SGSM1: variants seen among roughly 807,000 people sequenced by gnomAD.
SGSM1 encodes RUN and TBC1 domain containing 2.
Under a neutral mutation model 133.8 loss-of-function variants are expected in SGSM1, and 73 were observed. That is an observed-to-expected ratio of 0.55 (90% CI 0.45 to 0.66). The LOEUF is 0.66. Ranked by LOEUF, SGSM1 falls within the 30% of genes least tolerant of loss-of-function variation. SGSM1 has a pLI of 0.00. For synonymous variants in SGSM1, 563 were observed against 573.0 expected, an observed-to-expected ratio of 0.98 and a Z score of 0.25; for missense variants, 1,213 against 1,448.1, an observed-to-expected ratio of 0.84 and a Z score of 2.64.
At chr22:24,814,808 AG>A (rs1927970356) in intron 2 of SGSM1, among the ~76,000 whole-genome samples, 1 of 152,228 alleles carries the variant, frequency 6.6e-6, no homozygotes, top group South Asian at 2.1e-4. Context: ...TGTGGAATTT[AG>A]TCAGAAGAGA....
At chr22:24,862,852 A>T (rs1030203128) in intron 9 of SGSM1, among the ~76,000 whole-genome samples, 2 of 152,088 alleles carry the variant, frequency 1.3e-5, no homozygotes, top group Non-Finnish European at 2.9e-5. Flanking sequence ...CCTTTTTATC[A>T]AGTGGGGGAG....
intron 2 of SGSM1, among the ~76,000 whole-genome samples, chr22:24,826,818 C>T (rs1047360415): frequency 2.0e-5 from 3 of 152,084 alleles, no homozygotes; most frequent in Non-Finnish European, 2.9e-5. Flanking sequence ...TCATGGTGTG[C>T]CCGGCCCTGT....
intron 12 of SGSM1, among the ~76,000 whole-genome samples, chr22:24,870,098 A>G (rs888841173): frequency 2.0e-5 from 3 of 152,214 alleles, no homozygotes; most frequent in African/African-American, 7.2e-5. Flanking sequence ...TTGAGAGCAG[A>G]TGTCCTCCTG....
At chr22:24,845,638 C>T (rs1180342146) in intron 3 of SGSM1, among the ~76,000 whole-genome samples, 1 of 152,176 alleles carries the variant, frequency 6.6e-6, no homozygotes, top group Non-Finnish European at 1.5e-5. Context: ...GTTCTAATTC[C>T]CCTCCCGTGA....
chr22:24,854,584 G>T (rs762120365), intron 5 of SGSM1, among the ~76,000 whole-genome samples: 2 of 152,300 alleles, frequency 1.3e-5, no homozygotes, highest in Non-Finnish European at 2.9e-5. Context: ...GGCCAAGGTG[G>T]TGGGATCACT....
In SGSM1 at chr22:24,807,739, T is replaced by A. The variant is rs1290938804; in HGVS notation, c.63+1255T>A. Among the ~76,000 whole-genome samples the A allele has an allele frequency of 5.9e-5, 9 of 152,030 alleles. No individual in the cohort carries two copies. The South Asian group carries it at 1.5e-3, about 25-fold the overall frequency. On this transcript the variant is annotated intron_variant, in intron 2 of 24. Transcript: ENST00000400358. ...GTGTACATGCGTGCATGTGTGTGTA[T>A]GTGTTGGGGGTGTTGGCTGAGGTGG... is the stretch of plus-strand genomic sequence containing the variant.
At chr22:24,847,938 CCCAGGGTCTTTG>C (rs1388612496) in intron 4 of SGSM1, 142 bp downstream of exon 4, 1 of 1,189,234 alleles carries the variant, frequency 8.4e-7, no homozygotes, top group Non-Finnish European at 1.1e-6. Flanking sequence ...TCTTTCCCAC[CCCAGGGTCTTTG>C]CACGTGCCTC....
At chr22:24,900,316 A>G (rs1933087114) in intron 19 of SGSM1, among the ~76,000 whole-genome samples, 1 of 149,612 alleles carries the variant, frequency 6.7e-6, no homozygotes, top group Admixed American at 6.6e-5. Flanking sequence ...AGTGCACCCC[A>G]GCTTTTGTTC....
intron 2 of SGSM1, among the ~76,000 whole-genome samples, chr22:24,820,505 G>A (rs1928406898): frequency 6.6e-6 from 1 of 152,190 alleles, no homozygotes; most frequent in African/African-American, 2.4e-5. Flanking sequence ...GTTATGCGGG[G>A]AGGAATTGGA....
intron 2 of SGSM1, among the ~76,000 whole-genome samples, chr22:24,815,057 T>A (rs1328783874): frequency 6.6e-6 from 1 of 152,240 alleles, no homozygotes; most frequent in Admixed American, 6.5e-5. Flanking sequence ...TGTGGGGCAG[T>A]GTATTTTTCT....
At chr22:24,874,566 G>A (rs748650038) in intron 12 of SGSM1, 1 of 1,602,640 alleles carries the variant, frequency 6.2e-7, no homozygotes, top group South Asian at 1.1e-5. Flanking sequence ...CAAGCCCGAA[G>A]GAGCAGCCCC....
At position 24,806,274 on chromosome 22, in the gene SGSM1, G is replaced by T; in HGVS notation, c.-52G>T. 1.4e-6 allele frequency: 2 copies of T among 1,399,812 alleles called. No homozygotes were observed. The highest frequency in any genetic ancestry group is 1.8e-6 in the Non-Finnish European group (2 of 1,082,008). 86.7% of individuals were successfully genotyped at this position (1,399,812 alleles called of 1,614,324 possible). On this transcript the variant is annotated 5_prime_UTR_variant, in exon 1 of 25. Transcript: ENST00000400358. ...CAGCGCCGCGGCCGGAGGAGCTACC[G>T]CCGCCACCGCCGCCACCGCCTCCTG...
Position 24,884,072 on chromosome 22 carries a change from C to T in SGSM1, c.1515C>T (p.His505=). Residue 505 remains histidine, a synonymous_variant, in exon 15 of 25, where the codon CAC becomes CAT. Transcript: ENST00000400358. ...AFYGWLAYCR[H]LSTVRTHLSA... is the part of the protein sequence containing the mutation. ...CAACAGGGCTGGCCTACTGCAGACA[C>T]CTGTCCACCGTGAGAACCCACCTAT... 1 of 1,612,916 alleles carries T rather than the reference C, an allele frequency of 6.2e-7. No individual in the cohort carries two copies. The highest frequency in any genetic ancestry group is 8.5e-7 in the Non-Finnish European group (1 of 1,179,490).
Position 24,898,444 on chromosome 22 carries a change from A to G in SGSM1, c.2495A>G (p.Asp832Gly), listed in dbSNP as rs1288546780. The change falls in exon 19 of 25, where the codon GAC becomes GGC. Residue 832 changes from aspartate (D) to glycine (G), a missense_variant. Physicochemically the swap from Asp to Gly is moderately conservative, Grantham distance 94. Transcript: ENST00000400358. The part of the protein sequence containing the change: ...TEKHGQADSE[D>G]NLSEEPEMES... ...AAACATGGCCAGGCGGACAGTGAGG[A>G]CAACCTCTCGGAGGAGCCTGAGATG... The G allele has an allele frequency of 2.5e-6, 4 of 1,613,860 alleles. No individual in the cohort carries two copies. The East Asian group carries it at 8.9e-5, about 36-fold the overall frequency.
At chr22:24,835,760 G>C (rs984424194) in intron 2 of SGSM1, among the ~76,000 whole-genome samples, 1 of 151,980 alleles carries the variant, frequency 6.6e-6, no homozygotes. Flanking sequence ...GTGTTGGGAT[G>C]GGGGAGAGGG....
chr22:24,858,269 T>C (rs1601929209), intron 8 of SGSM1, among the ~76,000 whole-genome samples: 1 of 152,198 alleles, frequency 6.6e-6, no homozygotes. Context: ...CGTGAGCCAC[T>C]GCGCCCAGCC....
In SGSM1 at chr22:24,884,953, AT is replaced by A. The variant is rs568181269; in HGVS notation, c.1641+768del. ...ACTTTGGATTAATTTGCTTTAGATA[AT>A]TTTTTTTTTTTTGAGATGGAGTTTT... On this transcript the variant is annotated intron_variant, in intron 15 of 24. Coordinates refer to ENST00000400358, the MANE Select transcript of SGSM1 (RefSeq NM_001098497.3). 3.4e-3 allele frequency among the ~76,000 whole-genome samples: 493 copies of A among 146,860 alleles called. 2 individuals carry two copies. The highest frequency in any genetic ancestry group is 9.5e-3 in the South Asian group (44 of 4,648).
intron 12 of SGSM1, among the ~76,000 whole-genome samples, chr22:24,875,100 C>T (rs930849203): frequency 2.0e-5 from 3 of 152,140 alleles, no homozygotes; most frequent in African/African-American, 4.8e-5. Context: ...TCTCCCTTAC[C>T]TTGGGGCCCA....
intron 16 of SGSM1, among the ~76,000 whole-genome samples, chr22:24,890,446 A>T (rs1374820681): frequency 6.6e-6 from 1 of 152,176 alleles, no homozygotes; most frequent in Non-Finnish European, 1.5e-5. Context: ...TACACTGTCA[A>T]AACCAGAGTG....
Sources: gnomAD v4.1 joint callset for allele counts (sites outside exome capture counted in the v4.1 genomes callset) on GRCh38, gnomAD v4.1.1 for gene constraint, MANE v1.5 for transcripts, NCBI Gene and HGNC (gene_info 2026-07-23, HGNC 2026-07-21) for gene names.